The following HPSE2 variants were observed in gnomAD, a reference collection of about 807,000 sequenced individuals.
HPSE2 encodes inactive heparanase-2.
HPSE2 carries 38 observed loss-of-function variants against 60.5 expected under a neutral mutation model. The ratio of observed to expected loss-of-function variants is 0.63; its 90% CI spans 0.48 to 0.82. The LOEUF (loss-of-function observed/expected upper bound fraction) is 0.82. Among genes scored for constraint, HPSE2 ranks in the 40% least tolerant of loss-of-function variants. HPSE2 has a pLI of 0.00. For synonymous variants in HPSE2, 295 were observed against 293.2 expected (o/e 1.01, Z -0.06); for missense variants, 713 against 740.4 (o/e 0.96, Z 0.43).
At chr10:99,094,542 T>TATATATATA (rs1843647910) in intron 3 of HPSE2, among the ~76,000 whole-genome samples, 7 of 14,520 alleles carry the variant, frequency 4.8e-4, no homozygotes, top group Non-Finnish European at 1.1e-3. Flanking sequence ...ATATATATAT[T>TATATATATA]TTTTTTTTTT....
At chr10:99,213,841 T>A (rs552447516) in intron 2 of HPSE2, among the ~76,000 whole-genome samples, 1 of 152,166 alleles carries the variant, frequency 6.6e-6, no homozygotes, top group Non-Finnish European at 1.5e-5. Flanking sequence ...CTCAGAGACA[T>A]TGTGAAAATT....
the HPSE2 span, among the ~76,000 whole-genome samples, chr10:99,251,275 T>A: frequency 6.6e-6 from 1 of 152,056 alleles, no homozygotes. Flanking sequence ...TCATACAATC[T>A]CTCAAAATTG....
intron 3 of HPSE2, among the ~76,000 whole-genome samples, chr10:99,041,784 C>T (rs1434119903): frequency 6.6e-6 from 1 of 152,178 alleles, no homozygotes; most frequent in African/African-American, 2.4e-5. Flanking sequence ...CCCTGCATTT[C>T]TCTGGGATGG....
intron 6 of HPSE2, 121 bp downstream of exon 6, chr10:98,693,779 A>C (rs1208645180): frequency 6.9e-6 from 6 of 874,638 alleles, no homozygotes; most frequent in Non-Finnish European, 9.7e-6. Flanking sequence ...TTACTTTCAA[A>C]TTTTTTCCTG....
chr10:98,586,615 A>G (rs1944947531), intron 9 of HPSE2, among the ~76,000 whole-genome samples: 1 of 152,234 alleles, frequency 6.6e-6, no homozygotes, highest in African/African-American at 2.4e-5. Flanking sequence ...CTAGAAAGCT[A>G]ACAAATGCTC....
At chr10:98,880,337 C>A (rs1253480985) in intron 3 of HPSE2, among the ~76,000 whole-genome samples, 1 of 151,994 alleles carries the variant, frequency 6.6e-6, no homozygotes, top group African/African-American at 2.4e-5. Context: ...TCCTGCAACT[C>A]TTTTTTGCCC....
At chr10:98,515,726 A>AT (rs1942580742) in intron 9 of HPSE2, among the ~76,000 whole-genome samples, 1 of 152,152 alleles carries the variant, frequency 6.6e-6, no homozygotes, top group Admixed American at 6.5e-5. Context: ...AAAAGTTTTC[A>AT]TTTTTTAAGA....
intron 3 of HPSE2, among the ~76,000 whole-genome samples, chr10:98,778,746 G>A (rs1347870513): frequency 6.6e-6 from 1 of 152,170 alleles, no homozygotes; most frequent in African/African-American, 2.4e-5. Flanking sequence ...GCCTCAGTTT[G>A]TTCATCTATA....
chr10:98,714,359 T>C (rs984437951), intron 5 of HPSE2, among the ~76,000 whole-genome samples: 6 of 151,874 alleles, frequency 4.0e-5, no homozygotes, highest in African/African-American at 1.4e-4. Context: ...TTACAGACAC[T>C]CTTCATTTCC....
the HPSE2 span, among the ~76,000 whole-genome samples, chr10:99,312,572 A>G: frequency 1.3e-5 from 2 of 152,220 alleles, no homozygotes; most frequent in African/African-American, 2.4e-5. Flanking sequence ...GCTCAGAAAA[A>G]AAGATTCCTT....
At chr10:98,843,072 T>G (rs1951954509) in intron 3 of HPSE2, among the ~76,000 whole-genome samples, 1 of 152,188 alleles carries the variant, frequency 6.6e-6, no homozygotes, top group Non-Finnish European at 1.5e-5. Context: ...GGGGTACATA[T>G]TCACGTTTGT....
chr10:98,586,709 G>A (rs1338544064), intron 9 of HPSE2, among the ~76,000 whole-genome samples: 1 of 152,162 alleles, frequency 6.6e-6, no homozygotes, highest in African/African-American at 2.4e-5. Context: ...CTTCCTCTTA[G>A]ACTTGATCAG....
chr10:98,565,932 C>T (rs1359541123), intron 9 of HPSE2, among the ~76,000 whole-genome samples: 1 of 152,038 alleles, frequency 6.6e-6, no homozygotes, highest in Non-Finnish European at 1.5e-5. Flanking sequence ...AGCATATCAG[C>T]CAAGGCTCTA....
At chr10:98,490,695 G>T (rs936967276) in intron 9 of HPSE2, among the ~76,000 whole-genome samples, 1 of 152,144 alleles carries the variant, frequency 6.6e-6, no homozygotes, top group African/African-American at 2.4e-5. Context: ...CTGAGGTGAA[G>T]CTTCTCCACA....
chr10:98,728,859 AT>A (rs1949157167), intron 4 of HPSE2, among the ~76,000 whole-genome samples: 1 of 151,958 alleles, frequency 6.6e-6, no homozygotes, highest in Non-Finnish European at 1.5e-5. Context: ...AATTTTAAAA[AT>A]TAGCTGGGTG....
At chr10:99,291,679 G>C in the HPSE2 span, among the ~76,000 whole-genome samples, 3 of 151,356 alleles carry the variant, frequency 2.0e-5, no homozygotes, top group Non-Finnish European at 4.4e-5. Flanking sequence ...TCTTTCTGAT[G>C]AAGATCCATG....
chr10:98,779,554 C>G (rs1263651118), intron 3 of HPSE2, among the ~76,000 whole-genome samples: 1 of 152,176 alleles, frequency 6.6e-6, no homozygotes, highest in Non-Finnish European at 1.5e-5. Flanking sequence ...GGGTTCTCCT[C>G]TACCCACATA....
intron 7 of HPSE2, among the ~76,000 whole-genome samples, chr10:98,638,270 C>G (rs1946551073): frequency 6.6e-6 from 1 of 151,340 alleles, no homozygotes; most frequent in Non-Finnish European, 1.5e-5. Context: ...ACGGTGAAAC[C>G]CCATCTCTAC....
chr10:98,551,703 A>T (rs1943869113), intron 9 of HPSE2, among the ~76,000 whole-genome samples: 1 of 152,170 alleles, frequency 6.6e-6, no homozygotes, highest in Non-Finnish European at 1.5e-5. Context: ...TAGCTTTTTA[A>T]AATAGTCTGT....
Sources: allele counts gnomAD v4.1 joint callset (sites outside exome capture counted in the v4.1 genomes callset), GRCh38; gene constraint gnomAD v4.1.1; transcripts MANE v1.5; gene names NCBI Gene and HGNC (gene_info 2026-07-23, HGNC 2026-07-21).